Variants in TUBB2B observed in about 807,000 individuals in gnomAD.
TUBB2B encodes tubulin beta-2B chain.
TUBB2B carries 5 observed loss-of-function variants against 35.0 expected under a neutral mutation model. The ratio of observed to expected loss-of-function variants is 0.14; its 90% confidence interval spans 0.07 to 0.30. The LOEUF is 0.30. Among genes scored for constraint, TUBB2B ranks in the 10% least tolerant of loss-of-function variants. TUBB2B has a pLI of 1.00. For synonymous variants in TUBB2B, 166 were observed against 250.5 expected (o/e 0.66, Z 3.18); for missense variants, 63 against 601.8 (o/e 0.10, Z 9.37).
In TUBB2B at chr6:3,227,311, C is replaced by T. The variant is rs1210283148; in HGVS notation, c.57+176G>A. 6.6e-6 allele frequency among the ~76,000 whole-genome samples: 1 copy of T among 152,110 alleles called. No individual in the cohort carries two copies. Among genetic ancestry groups the T allele is most frequent in the Non-Finnish European group, 1.5e-5 (1 of 68,010 alleles). On this transcript the variant is annotated intron_variant, in intron 1 of 3. Coordinates refer to ENST00000259818, the MANE Select transcript of TUBB2B (RefSeq NM_178012.5). This position sits in a 1 kb window ranked among gnomAD's most constrained non-coding sequence, Gnocchi z 7.8. ...TACAGCAGAAAGAAAGAGAGGTGCC[C>T]CCTCCGTCCGCGAAAGTCACCTCCT...
Position 3,227,568 on chromosome 6 carries a change from T to C in TUBB2B, c.-25A>G, listed in dbSNP as rs531087976. ...TGGTGCCTCGTCAGCGTCCTCCTGG[T>C]CCGGCGGCGTCTGGGTCTGTCCGTC... On this transcript the variant is annotated 5_prime_UTR_variant, in exon 1 of 4. Transcript: ENST00000259818. This position sits in a 1 kb window ranked among gnomAD's most constrained non-coding sequence, Gnocchi z 7.8. The C allele has an allele frequency of 3.7e-6, 6 of 1,609,952 alleles. No homozygotes were observed. The South Asian group carries it at 6.6e-5, about 18-fold the overall frequency.
chr6:3,226,518 G>A lies in TUBB2B; in HGVS notation c.166+43C>T, dbSNP rs372449799. 1.1e-5 allele frequency: 18 copies of A among 1,568,620 alleles called. No homozygotes were observed. The highest frequency in any genetic ancestry group is 3.3e-5 in the Admixed American group (2 of 59,948). ...TCCCACGCAAGGGAAAGGGGAGAAG[G>A]TGGAAAAACTGAAGGGAGTGGGGGT... On this transcript the variant is annotated intron_variant, in intron 2 of 3. Coordinates refer to ENST00000259818, the MANE Select transcript of TUBB2B (RefSeq NM_178012.5). This position sits in a 1 kb window ranked among gnomAD's most constrained non-coding sequence, Gnocchi z 5.5.
At position 3,225,528 on chromosome 6, in the gene TUBB2B, G is replaced by C; in HGVS notation, c.561C>G (p.Leu187=). ...DTVVEPYNAT[L]SVHQLVENTD... ...TGTTTTCCACCAGCTGGTGGACCGA[G>C]AGGGTGGCGTTGTAGGGCTCCACCA... The change falls in exon 4 of 4, where the codon CTC becomes CTG. Residue 187 remains leucine (L), a synonymous_variant. Transcript: ENST00000259818. 2 of 1,614,234 alleles carry C rather than the reference G, an allele frequency of 1.2e-6. No homozygotes were observed. The highest frequency in any genetic ancestry group is 1.1e-5 in the South Asian group (1 of 91,084).
Position 3,226,426 on chromosome 6 carries a change from A to G in TUBB2B, c.166+135T>C, listed in dbSNP as rs961190007. 2.0e-5 allele frequency: 21 copies of G among 1,032,858 alleles called. No homozygotes were observed. The Admixed American group carries it at 3.6e-4, about 18-fold the overall frequency. 64.0% of individuals were successfully genotyped at this position (1,032,858 alleles called of 1,614,324 possible). ...TTGGCATAAGGAAGCCCAATGAAAT[A>G]CTGCAGGGAAAGAGCGGGGATCCTA... is the stretch of plus-strand genomic sequence containing the variant. On this transcript the variant is annotated intron_variant, in intron 2 of 3. Coordinates refer to ENST00000259818, the MANE Select transcript of TUBB2B (RefSeq NM_178012.5). This position sits in a 1 kb window ranked among gnomAD's most constrained non-coding sequence, Gnocchi z 5.5.
In TUBB2B at chr6:3,227,476, G is replaced by A; in HGVS notation, c.57+11C>T. ...GCCCCCATTGGACCCCCTCCGCTGC[G>A]GCGCGCCCACCTTGGCGCCGATCTG... On this transcript the variant is annotated intron_variant, in intron 1 of 3. Coordinates refer to ENST00000259818, the MANE Select transcript of TUBB2B (RefSeq NM_178012.5). This position sits in a 1 kb window ranked among gnomAD's most constrained non-coding sequence, Gnocchi z 7.8. 1 of 1,606,708 alleles carries A rather than the reference G, an allele frequency of 6.2e-7. No individual in the cohort carries two copies. Among genetic ancestry groups the A allele is most frequent in the Non-Finnish European group, 8.5e-7 (1 of 1,179,604 alleles).
rs1757289535 is a variant in TUBB2B at position 3,226,511 on chromosome 6, G to A, written c.166+50C>T. The A allele has an allele frequency of 6.5e-7, 1 of 1,544,378 alleles. No homozygotes were observed. The highest frequency in any genetic ancestry group is 2.2e-5 in the East Asian group (1 of 44,530). On this transcript the variant is annotated intron_variant, in intron 2 of 3. Coordinates refer to ENST00000259818, the MANE Select transcript of TUBB2B (RefSeq NM_178012.5). This position sits in a 1 kb window ranked among gnomAD's most constrained non-coding sequence, Gnocchi z 5.5. ...CCTGGGGTCCCACGCAAGGGAAAGG[G>A]GAGAAGGTGGAAAAACTGAAGGGAG...
Position 3,226,085 on chromosome 6 carries a change from A to C in TUBB2B, c.277+74T>G, listed in dbSNP as rs1464694687. Reference sequence around the variant, plus strand: ...ATGTTCTTCATGCTTTCCCTCTGGCAATCACACCTCTTCAGCCTCCACTGC... The same window carrying C: ...ATGTTCTTCATGCTTTCCCTCTGGCCATCACACCTCTTCAGCCTCCACTGC... On this transcript the variant is annotated intron_variant, in intron 3 of 3. Transcript: ENST00000259818. The surrounding 1 kb of genome is among the most constrained non-coding windows in gnomAD (Gnocchi z 5.5). The C allele has an allele frequency of 2.8e-6, 4 of 1,444,996 alleles. No homozygotes were observed. Among genetic ancestry groups the C allele is most frequent in the Non-Finnish European group, 3.9e-6 (4 of 1,029,950 alleles). 89.5% of individuals were successfully genotyped at this position (1,444,996 alleles called of 1,614,324 possible). A position where few individuals can be genotyped will look rare whatever the true frequency, so the allele number is the denominator to read the frequency against.
In TUBB2B at chr6:3,226,319, G is replaced by T; in HGVS notation, c.167-50C>A. 6.6e-7 allele frequency: 1 copy of T among 1,522,392 alleles called. No homozygotes were observed. Among genetic ancestry groups the T allele is most frequent in the Non-Finnish European group, 9.1e-7 (1 of 1,099,716 alleles). The allele number at this position is 1,522,392 out of a possible 1,614,324, so 94.3% of individuals were successfully genotyped here. ...ACCCTCAGGCAAGGACCTCTGCAGA[G>T]AAGGGCTTGGCGCCTGCTGCCATCA... On this transcript the variant is annotated intron_variant, in intron 2 of 3. Coordinates refer to ENST00000259818, the MANE Select transcript of TUBB2B (RefSeq NM_178012.5). The surrounding 1 kb of genome is among the most constrained non-coding windows in gnomAD (Gnocchi z 5.5).
At position 3,227,220 on chromosome 6, in the gene TUBB2B, C is replaced by G. The variant is rs569057286; in HGVS notation, c.57+267G>C. Among the ~76,000 whole-genome samples the G allele has an allele frequency of 2.0e-5, 3 of 152,148 alleles. No individual in the cohort carries two copies. In the South Asian group the frequency reaches 6.2e-4, roughly 32 times the overall value. Reference sequence around the variant, plus strand: ...CGGACACACCCTCGTCTTCTCCAGGCACGCGTGCCTGCCAAGCAGCCAGCG... The same window carrying G: ...CGGACACACCCTCGTCTTCTCCAGGGACGCGTGCCTGCCAAGCAGCCAGCG... On this transcript the variant is annotated intron_variant, in intron 1 of 3. Transcript: ENST00000259818. The surrounding 1 kb of genome is among the most constrained non-coding windows in gnomAD (Gnocchi z 7.8).
chr6:3,225,879 A>C, intron 3 of TUBB2B, 68 bp from the exon 4 acceptor site: 1 of 1,600,934 alleles, frequency 6.2e-7, no homozygotes, highest in South Asian at 1.1e-5. Flanking sequence ...CAAACCCCTC[A>C]ATATAGATCA....
In TUBB2B at chr6:3,224,709, G is replaced by T; in HGVS notation, c.*42C>A. On this transcript the variant is annotated 3_prime_UTR_variant, in exon 4 of 4. Transcript: ENST00000259818. The stretch of plus-strand genomic sequence containing the variant: ...GTCCCGGGAAGCCCCCCACCCCCTC[G>T]CTTTCCTCCTCCGCTTTCCCTAACC... The T allele has an allele frequency of 3.7e-6, 6 of 1,610,052 alleles. No homozygotes were observed. The highest frequency in any genetic ancestry group is 1.7e-4 in the Middle Eastern group (1 of 5,954).
Position 3,226,093 on chromosome 6 carries a change from C to T in TUBB2B, c.277+66G>A. 3 of 1,473,262 alleles carry T rather than the reference C, an allele frequency of 2.0e-6. No homozygotes were observed. In the South Asian group the frequency reaches 3.4e-5, roughly 17 times the overall value. 91.3% of individuals were successfully genotyped at this position (1,473,262 alleles called of 1,614,324 possible). On this transcript the variant is annotated intron_variant, in intron 3 of 3. Coordinates refer to ENST00000259818, the MANE Select transcript of TUBB2B (RefSeq NM_178012.5). The surrounding 1 kb of genome is among the most constrained non-coding windows in gnomAD (Gnocchi z 5.5). ...CATGCTTTCCCTCTGGCAATCACACCTCTTCAGCCTCCACTGCCCAGCGTA... is the reference window on the plus strand; with the variant it reads ...CATGCTTTCCCTCTGGCAATCACACTTCTTCAGCCTCCACTGCCCAGCGTA...
Position 3,226,978 on chromosome 6 carries a change from C to T in TUBB2B, c.58-309G>A, listed in dbSNP as rs1426422528. On this transcript the variant is annotated intron_variant, in intron 1 of 3. Coordinates refer to ENST00000259818, the MANE Select transcript of TUBB2B (RefSeq NM_178012.5). The surrounding 1 kb of genome is among the most constrained non-coding windows in gnomAD (Gnocchi z 5.5). ...CGCAGCCCCAGGCTGCGGCAGGAGG[C>T]GAGGGCACAGGGACTGCAGCCCGCC... Among the ~76,000 whole-genome samples, 2 of 152,018 alleles carry T rather than the reference C, an allele frequency of 1.3e-5. No homozygotes were observed. Among genetic ancestry groups the T allele is most frequent in the African/African-American group, 4.8e-5 (2 of 41,390 alleles).
At position 3,226,536 on chromosome 6, in the gene TUBB2B, G is replaced by A. The variant is rs1283503381; in HGVS notation, c.166+25C>T. 2 of 1,598,676 alleles carry A rather than the reference G, an allele frequency of 1.3e-6. No individual in the cohort carries two copies. The highest frequency in any genetic ancestry group is 2.7e-5 in the African/African-American group (2 of 74,620). Reference sequence around the variant, plus strand: ...GGAGAAGGTGGAAAAACTGAAGGGAGTGGGGGTGGGGCAAGGGTGATTACC... The same window carrying A: ...GGAGAAGGTGGAAAAACTGAAGGGAATGGGGGTGGGGCAAGGGTGATTACC... On this transcript the variant is annotated intron_variant, in intron 2 of 3. Coordinates refer to ENST00000259818, the MANE Select transcript of TUBB2B (RefSeq NM_178012.5). The surrounding 1 kb of genome is among the most constrained non-coding windows in gnomAD (Gnocchi z 5.5).
Position 3,224,548 on chromosome 6 carries a change from TATCTC to T in TUBB2B, c.*198_*202del. 1.3e-6 allele frequency: 1 copy of T among 743,588 alleles called. No individual in the cohort carries two copies. Among genetic ancestry groups the T allele is most frequent in the East Asian group, 2.7e-5 (1 of 36,844 alleles). The allele number at this position is 743,588 out of a possible 1,614,324, so 46.1% of individuals were successfully genotyped here. A position where few individuals can be genotyped will look rare whatever the true frequency, so the allele number is the denominator to read the frequency against. ...AGCCATTACAACAGTAATTCAGAAATATCTCAAATGTTACATTGATGTCATCAATA... is the reference window on the plus strand; with the variant it reads ...AGCCATTACAACAGTAATTCAGAAATAAATGTTACATTGATGTCATCAATA... On this transcript the variant is annotated 3_prime_UTR_variant, in exon 4 of 4. Transcript: ENST00000259818.
chr6:3,224,429 A>G lies in TUBB2B; in HGVS notation c.*322T>C. The G allele has an allele frequency of 4.3e-6, 2 of 469,264 alleles. No individual in the cohort carries two copies. Among genetic ancestry groups the G allele is most frequent in the Non-Finnish European group, 7.6e-6 (2 of 263,642 alleles). The allele number at this position is 469,264 out of a possible 1,614,324, so 29.1% of individuals were successfully genotyped here. On this transcript the variant is annotated 3_prime_UTR_variant, in exon 4 of 4. Coordinates refer to ENST00000259818, the MANE Select transcript of TUBB2B (RefSeq NM_178012.5). The stretch of plus-strand genomic sequence containing the variant: ...TTTTGTTAAAGGAAGAATTCAATGC[A>G]ATGTGTTCAGAAAGTTACATTTAAA...
rs781116976 is a variant in TUBB2B at position 3,224,757 on chromosome 6, C to T, written c.1332G>A (p.Glu444=). ...ACCCGTCTCGCGGGGGCATCTACGC[C>T]TCGTCCTCGCCCTCCTCCTCCTCGA... ...GEFEEEEGED[E]A is the part of the protein sequence containing the mutation. Residue 444 remains glutamate (E), a synonymous_variant, in exon 4 of 4, where the codon GAG becomes GAA. Transcript: ENST00000259818. 4.3e-6 allele frequency: 7 copies of T among 1,614,032 alleles called. No homozygotes were observed. Among genetic ancestry groups the T allele is most frequent in the Non-Finnish European group, 5.9e-6 (7 of 1,180,016 alleles).
At chr6:3,225,933 A>G (rs1358002708) in intron 3 of TUBB2B, 122 bp from the exon 4 acceptor site, 1 of 1,506,756 alleles carries the variant, frequency 6.6e-7, no homozygotes, top group African/African-American at 1.4e-5. Context: ...TATCACCAAA[A>G]TGGCCAAACG....
At position 3,224,374 on chromosome 6, in the gene TUBB2B, T is replaced by C. The variant is rs1416595226; in HGVS notation, c.*377A>G. 3.3e-6 allele frequency: 1 copy of C among 304,516 alleles called. No individual in the cohort carries two copies. Among genetic ancestry groups the C allele is most frequent in the African/African-American group, 2.1e-5 (1 of 46,544 alleles). 18.9% of individuals were successfully genotyped at this position (304,516 alleles called of 1,614,324 possible). Reference sequence around the variant, plus strand: ...AATTTTACCATACCGAAAGAATAAATTCATTTGAGCTTTTACCTACGCCTT... The same window carrying C: ...AATTTTACCATACCGAAAGAATAAACTCATTTGAGCTTTTACCTACGCCTT... On this transcript the variant is annotated 3_prime_UTR_variant, in exon 4 of 4. Coordinates refer to ENST00000259818, the MANE Select transcript of TUBB2B (RefSeq NM_178012.5).
Sources: gnomAD v4.1 joint callset for allele counts (sites outside exome capture counted in the v4.1 genomes callset) on GRCh38, gnomAD v4.1.1 for gene constraint, Gnocchi (gnomAD v3.1) non-coding constraint, MANE v1.5 for transcripts, NCBI Gene and HGNC (gene_info 2026-07-23, HGNC 2026-07-21) for gene names.